The following EPHA6 variants were observed in gnomAD, a reference collection of about 807,000 sequenced individuals.
EPHA6 encodes the protein ephrin type-A receptor 6.
In EPHA6, 50 loss-of-function variants were observed where a neutral mutation model predicts 112.0. The observed-to-expected ratio is 0.45, with a 90% CI of 0.36 to 0.56. The LOEUF (loss-of-function observed/expected upper bound fraction) is 0.56, where lower values mean the gene tolerates loss of function less well. EPHA6 is among the 20% of genes least tolerant of loss of function. The pLI is 0.00. For missense variants in EPHA6, 1,280 were observed against 1,417.4 expected (o/e 0.90, Z 1.56); for synonymous variants, 529 against 490.7 (o/e 1.08, Z -1.03).
At chr3:97,519,302 C>T (rs548734344) in intron 10 of EPHA6, among the ~76,000 whole-genome samples, 17 of 152,264 alleles carry the variant, frequency 1.1e-4, no homozygotes, top group Admixed American at 9.8e-4. Flanking sequence ...ACTCCGTCAG[C>T]TGTAGATATG....
In EPHA6 at chr3:96,992,402, A is replaced by T. The variant is rs191902817; in HGVS notation, c.1114+4409A>T. On this transcript the variant is annotated intron_variant, in intron 3 of 17. Transcript: ENST00000389672. ...TGCTTACAGTTTCTACAATCTGGAA[A>T]TCTGGATGAGGTTCACTGGGTCATT... is the stretch of plus-strand genomic sequence containing the variant. 1.3e-3 allele frequency among the ~76,000 whole-genome samples: 205 copies of T among 152,248 alleles called. 2 individuals are homozygous for T. The highest frequency in any genetic ancestry group is 2.9e-3 in the Admixed American group (44 of 15,284).
At chr3:97,337,977 C>A (rs941654846) in intron 5 of EPHA6, among the ~76,000 whole-genome samples, 12 of 152,214 alleles carry the variant, frequency 7.9e-5, no homozygotes, top group African/African-American at 2.9e-4. Flanking sequence ...AGATAACTCT[C>A]AGATTTCCAA....
At chr3:96,849,930 A>T (rs949855028) in intron 1 of EPHA6, among the ~76,000 whole-genome samples, 1 of 152,174 alleles carries the variant, frequency 6.6e-6, no homozygotes, top group Non-Finnish European at 1.5e-5. Context: ...CAGCTAAAAT[A>T]ATTATATTAC....
intron 3 of EPHA6, among the ~76,000 whole-genome samples, chr3:97,140,415 A>G (rs2075869655): frequency 6.6e-6 from 1 of 152,110 alleles, no homozygotes; most frequent in Admixed American, 6.6e-5. Flanking sequence ...ACATGAGAGG[A>G]AAAATTTTAA....
At chr3:97,558,362 C>A (rs1177110935) in intron 11 of EPHA6, among the ~76,000 whole-genome samples, 2 of 152,018 alleles carry the variant, frequency 1.3e-5, no homozygotes, top group South Asian at 4.1e-4. Flanking sequence ...TCAGGATTGA[C>A]AGTTTTCATC....
intron 14 of EPHA6, among the ~76,000 whole-genome samples, chr3:97,690,451 C>T (rs970698295): frequency 6.6e-6 from 1 of 150,708 alleles, no homozygotes; most frequent in African/African-American, 2.4e-5. Flanking sequence ...TTCTTTGGAA[C>T]AATGTCTACT....
chr3:97,754,955 G>T lies in EPHA6; in HGVS notation c.*6254G>T, dbSNP rs1424779135. 1.3e-5 allele frequency among the ~76,000 whole-genome samples: 2 copies of T among 151,832 alleles called. No homozygotes were observed. Among genetic ancestry groups the T allele is most frequent in the African/African-American group, 2.4e-5 (1 of 41,330 alleles). ...CCTGACCTGGTGATCCAACCGCCTC[G>T]GCCTCCCAAAGTGGTGGGATTACAG... On this transcript the variant is annotated 3_prime_UTR_variant, in exon 18 of 18. Transcript: ENST00000389672.
chr3:96,891,393 A>C (rs556724326), intron 2 of EPHA6, among the ~76,000 whole-genome samples: 3 of 152,292 alleles, frequency 2.0e-5, no homozygotes, highest in Non-Finnish European at 4.4e-5. Context: ...AAATTAATCT[A>C]TAGTCTTTGA....
At chr3:97,557,917 A>G (rs1174955605) in intron 11 of EPHA6, among the ~76,000 whole-genome samples, 1 of 151,842 alleles carries the variant, frequency 6.6e-6, no homozygotes, top group African/African-American at 2.4e-5. Context: ...TTCATGACTC[A>G]TCTATTCTTT....
chr3:97,720,761 T>C (rs1202528916), intron 15 of EPHA6, among the ~76,000 whole-genome samples: 1 of 152,202 alleles, frequency 6.6e-6, no homozygotes, highest in Non-Finnish European at 1.5e-5. Context: ...GGCAATTCAA[T>C]GCAGCACTGT....
chr3:96,895,509 G>A (rs1276385265), intron 2 of EPHA6, among the ~76,000 whole-genome samples: 3 of 152,084 alleles, frequency 2.0e-5, no homozygotes, highest in Admixed American at 6.6e-5. Flanking sequence ...AGTTTATAAA[G>A]TCTATAGTAC....
intron 14 of EPHA6, among the ~76,000 whole-genome samples, chr3:97,692,181 A>G (rs1237904057): frequency 6.6e-6 from 1 of 152,144 alleles, no homozygotes; most frequent in African/African-American, 2.4e-5. Context: ...TTTGTTTTTT[A>G]TTTAGATTGT....
intron 14 of EPHA6, among the ~76,000 whole-genome samples, chr3:97,655,172 T>C (rs1301833105): frequency 6.7e-6 from 1 of 149,882 alleles, no homozygotes; most frequent in African/African-American, 2.4e-5. Context: ...TGTTTTGGGG[T>C]TTTTTGTTTC....
intron 2 of EPHA6, among the ~76,000 whole-genome samples, chr3:96,943,284 T>G (rs1197183676): frequency 6.6e-6 from 1 of 152,156 alleles, no homozygotes; most frequent in Non-Finnish European, 1.5e-5. Flanking sequence ...GGATTTTGTA[T>G]GTTCTCACCA....
At chr3:97,679,995 A>T (rs531818032) in intron 14 of EPHA6, among the ~76,000 whole-genome samples, 1 of 152,288 alleles carries the variant, frequency 6.6e-6, no homozygotes, top group East Asian at 1.9e-4. Flanking sequence ...TTCTGTTGTA[A>T]AATAGTTAAA....
At chr3:97,518,663 T>C (rs1032193076) in intron 10 of EPHA6, among the ~76,000 whole-genome samples, 2 of 152,086 alleles carry the variant, frequency 1.3e-5, no homozygotes, top group Admixed American at 1.3e-4. Flanking sequence ...GTATTTATAA[T>C]AAAAACCATT....
At chr3:97,039,803 G>A (rs928430232) in intron 3 of EPHA6, among the ~76,000 whole-genome samples, 6 of 151,956 alleles carry the variant, frequency 3.9e-5, no homozygotes, top group Non-Finnish European at 7.4e-5. Flanking sequence ...GGGACACTTC[G>A]AAGTAAGTTG....
chr3:97,402,587 G>T (rs1034418911), intron 5 of EPHA6, among the ~76,000 whole-genome samples: 1 of 151,688 alleles, frequency 6.6e-6, no homozygotes, highest in Non-Finnish European at 1.5e-5. Flanking sequence ...TTTTTAAGCG[G>T]TCTTGTTGTG....
Position 97,544,496 on chromosome 3 carries a change from G to A in EPHA6, c.2386+11953G>A, listed in dbSNP as rs1456235663. ...ATGTGCTGCTGGATTCGGTTTGCCA[G>A]TATTTTACTGAGGATTTTTGCATCG... is the stretch of plus-strand genomic sequence containing the variant. On this transcript the variant is annotated intron_variant, in intron 11 of 17. Coordinates refer to ENST00000389672, the MANE Select transcript of EPHA6 (RefSeq NM_001080448.3). Among the ~76,000 whole-genome samples, 5 of 152,208 alleles carry A rather than the reference G, an allele frequency of 3.3e-5. No individual in the cohort carries two copies. The East Asian group carries it at 9.6e-4, about 29-fold the overall frequency.
Sources: allele counts gnomAD v4.1 joint callset (sites outside exome capture counted in the v4.1 genomes callset), GRCh38; gene constraint gnomAD v4.1.1; transcripts MANE v1.5; gene names NCBI Gene and HGNC (gene_info 2026-07-23, HGNC 2026-07-21).